Variants in EVC2 observed in about 807,000 individuals in gnomAD.
The protein encoded by EVC2 is limbin.
EVC2 carries 148 observed loss-of-function variants against 149.3 expected under a neutral mutation model. The observed-to-expected ratio is 0.99, with a 90% CI of 0.87 to 1.14. The LOEUF (loss-of-function observed/expected upper bound fraction) is 1.14, where lower values mean the gene tolerates loss of function less well. Ranked by LOEUF, EVC2 falls within the 50% of genes most tolerant of loss-of-function variation. The pLI is 0.00. For synonymous variants in EVC2, 776 were observed against 649.9 expected (o/e 1.19, Z -2.95); for missense variants, 1,854 against 1,627.3 (o/e 1.14, Z -2.40).
intron 9 of EVC2, among the ~76,000 whole-genome samples, chr4:5,645,873 C>A (rs1406027392): frequency 2.0e-5 from 3 of 152,136 alleles, no homozygotes; most frequent in Non-Finnish European, 4.4e-5. Flanking sequence ...GTTTACAGTC[C>A]CATCAACAGT....
At chr4:5,586,443 G>A (rs1020568371) in intron 16 of EVC2, among the ~76,000 whole-genome samples, 6 of 152,120 alleles carry the variant, frequency 3.9e-5, no homozygotes, top group African/African-American at 1.2e-4. Flanking sequence ...ACTCCTCTCA[G>A]CAAGGGGATT....
chr4:5,554,651 T>C (rs1326776985), intron 21 of EVC2, among the ~76,000 whole-genome samples: 1 of 152,180 alleles, frequency 6.6e-6, no homozygotes, highest in Non-Finnish European at 1.5e-5. Context: ...CCTGTCTCAC[T>C]TGAGGGAAGT....
chr4:5,642,545 C>T (rs1560189589), intron 9 of EVC2, among the ~76,000 whole-genome samples: 1 of 152,176 alleles, frequency 6.6e-6, no homozygotes, highest in Non-Finnish European at 1.5e-5. Flanking sequence ...AAATCTAAAA[C>T]AATCCTGAAG....
At position 5,697,941 on chromosome 4, in the gene EVC2, C is replaced by T. The variant is rs757217396; in HGVS notation, c.229-294G>A. Among the ~76,000 whole-genome samples, 10 of 151,924 alleles carry T rather than the reference C, an allele frequency of 6.6e-5. No homozygotes were observed. In the East Asian group the frequency reaches 1.2e-3, roughly 18 times the overall value. ...TTTTGTTTTGTATTTTTAGTAGAGA[C>T]GGGGTTTCACCATATTAGTCAGGAT... On this transcript the variant is annotated intron_variant, in intron 1 of 21. Coordinates refer to ENST00000344408, the MANE Select transcript of EVC2 (RefSeq NM_147127.5).
intron 15 of EVC2, among the ~76,000 whole-genome samples, chr4:5,616,958 C>T (rs536419696): frequency 1.3e-5 from 2 of 152,300 alleles, no homozygotes; most frequent in Admixed American, 1.3e-4. Flanking sequence ...TTATGGACTC[C>T]CTCCCCTCGC....
At chr4:5,654,456 C>A (rs1009730404) in intron 9 of EVC2, among the ~76,000 whole-genome samples, 4 of 152,202 alleles carry the variant, frequency 2.6e-5, no homozygotes, top group Non-Finnish European at 5.9e-5. Context: ...GCATTTACAT[C>A]CTTGAGGTTT....
rs1407221876 is a variant in EVC2 at position 5,618,278 on chromosome 4, G to T, written c.2706+200C>A. On this transcript the variant is annotated intron_variant, in intron 15 of 21. Coordinates refer to ENST00000344408, the MANE Select transcript of EVC2 (RefSeq NM_147127.5). The surrounding 1 kb of genome is among the most constrained non-coding windows in gnomAD (Gnocchi z 4.4). ...GCAACAGGATCAGGGCACAGCACCA[G>T]CAGTGTCCACTATAGACTTTAAAGT... is the stretch of plus-strand genomic sequence containing the variant. Among the ~76,000 whole-genome samples, 3 of 152,202 alleles carry T rather than the reference G, an allele frequency of 2.0e-5. No homozygotes were observed. The highest frequency in any genetic ancestry group is 2.0e-4 in the Admixed American group (3 of 15,286).
chr4:5,688,001 T>A (rs945191459), intron 5 of EVC2, among the ~76,000 whole-genome samples: 1 of 152,192 alleles, frequency 6.6e-6, no homozygotes, highest in Non-Finnish European at 1.5e-5. Context: ...TGAGGCTGCA[T>A]CTATGCTCTG....
At chr4:5,603,138 G>A (rs1284269301) in intron 16 of EVC2, among the ~76,000 whole-genome samples, 1 of 152,202 alleles carries the variant, frequency 6.6e-6, no homozygotes, top group Admixed American at 6.5e-5. Context: ...GATAGCCAGG[G>A]TAACCTTTTG....
intron 16 of EVC2, among the ~76,000 whole-genome samples, chr4:5,612,425 AG>A (rs1228163526): frequency 5.9e-5 from 9 of 152,286 alleles, no homozygotes; most frequent in African/African-American, 2.2e-4. Context: ...TAAAATGACT[AG>A]TTTTGGCCAA....
intron 17 of EVC2, among the ~76,000 whole-genome samples, chr4:5,580,454 A>G (rs1177987006): frequency 6.6e-6 from 1 of 152,236 alleles, no homozygotes; most frequent in Non-Finnish European, 1.5e-5. Context: ...GTACTCTCCA[A>G]TTATTATACT....
At chr4:5,680,491 G>C (rs150713703) in intron 7 of EVC2, among the ~76,000 whole-genome samples, 24 of 152,254 alleles carry the variant, frequency 1.6e-4, no homozygotes, top group African/African-American at 5.1e-4. Flanking sequence ...GCAGTCCACT[G>C]TTCACCAAAA....
In EVC2 at chr4:5,576,533, G is replaced by A; in HGVS notation, c.3058-79C>T. The A allele has an allele frequency of 6.5e-7, 1 of 1,535,160 alleles. No individual in the cohort carries two copies. Among genetic ancestry groups the A allele is most frequent in the Non-Finnish European group, 8.7e-7 (1 of 1,146,750 alleles). On this transcript the variant is annotated intron_variant, in intron 17 of 21. Transcript: ENST00000344408. This position sits in a 1 kb window ranked among gnomAD's most constrained non-coding sequence, Gnocchi z 4.5. ...GAGGACAAAATCTGACCTCCTGGGT[G>A]TCTTGCTACAAGTCTGGCATGACTC...
At chr4:5,596,975 T>C (rs1713481609) in intron 16 of EVC2, among the ~76,000 whole-genome samples, 1 of 152,154 alleles carries the variant, frequency 6.6e-6, no homozygotes, top group African/African-American at 2.4e-5. Flanking sequence ...AAGAAATGGA[T>C]AAATTCCTCA....
At chr4:5,599,170 T>A (rs986207288) in intron 16 of EVC2, among the ~76,000 whole-genome samples, 36 of 151,644 alleles carry the variant, frequency 2.4e-4, no homozygotes, top group African/African-American at 6.1e-4. Flanking sequence ...TGGCGATTCC[T>A]CAGGGATCTA....
intron 4 of EVC2, among the ~76,000 whole-genome samples, chr4:5,690,635 A>G (rs1721060258): frequency 6.6e-6 from 1 of 152,108 alleles, no homozygotes; most frequent in Non-Finnish European, 1.5e-5. Flanking sequence ...GCAATATTCC[A>G]TCCGGATTGT....
Position 5,573,352 on chromosome 4 carries a change from C to G in EVC2, c.3360+1333G>C, listed in dbSNP as rs550979687. ...GGGTCCTTAAAAGTAGAGACCTTTC[C>G]TGCTGTGTTAGGTCAGAGAGAGATG... On this transcript the variant is annotated intron_variant, in intron 19 of 21. Coordinates refer to ENST00000344408, the MANE Select transcript of EVC2 (RefSeq NM_147127.5). Among the ~76,000 whole-genome samples, 175 of 152,210 alleles carry G rather than the reference C, an allele frequency of 1.1e-3. No homozygotes were observed. In the Middle Eastern group the frequency reaches 0.024, roughly 21 times the overall value.
chr4:5,565,409 C>T (rs929589764), intron 20 of EVC2, 50 bp from the exon 21 acceptor site: 3 of 1,561,234 alleles, frequency 1.9e-6, no homozygotes, highest in Non-Finnish European at 1.8e-6. Flanking sequence ...CCTGTAATCC[C>T]ACTGTAATCC....
chr4:5,531,639 T>C, the EVC2 span, among the ~76,000 whole-genome samples: 11 of 152,152 alleles, frequency 7.2e-5, no homozygotes, highest in East Asian at 2.1e-3. Context: ...GGGATCTAGG[T>C]TGCGTGCTCC....
Sources: gnomAD v4.1 joint callset for allele counts (sites outside exome capture counted in the v4.1 genomes callset) on GRCh38, gnomAD v4.1.1 for gene constraint, Gnocchi (gnomAD v3.1) non-coding constraint, MANE v1.5 for transcripts, NCBI Gene and HGNC (gene_info 2026-07-23, HGNC 2026-07-21) for gene names.